The following JAK1 variants were observed in gnomAD, a reference collection of about 807,000 sequenced individuals.
JAK1 encodes the protein tyrosine-protein kinase JAK1.
A neutral mutation model predicts 136.6 loss-of-function variants in JAK1; 16 were observed. The ratio of observed to expected loss-of-function variants is 0.12; its 90% CI spans 0.08 to 0.18. The LOEUF (loss-of-function observed/expected upper bound fraction) is 0.18, where lower values mean the gene tolerates loss of function less well. Among genes scored for constraint, JAK1 ranks in the 10% least tolerant of loss-of-function variants. The pLI is 1.00. For missense variants in JAK1, 859 were observed against 1,450.1 expected (o/e 0.59, Z 6.62); for synonymous variants, 492 against 519.5 (o/e 0.95, Z 0.72).
chr1:64,890,320 A>G (rs1011295400), intron 1 of JAK1, among the ~76,000 whole-genome samples: 1 of 151,950 alleles, frequency 6.6e-6, no homozygotes, highest in African/African-American at 2.4e-5. Context: ...TATGTTCGGT[A>G]ACAGCTGTAA....
In JAK1 at chr1:64,838,042, A is replaced by C. The variant is rs768848705; in HGVS notation, c.3030T>G (p.Leu1010=). ...TTTTCACTTGGTGTTCACTCTCAAC[A>C]AGGACATTTCTTGCTGCCAAGTCCC... ...VHRDLAARNV[L]VESEHQVKIG... Residue 1010 remains leucine (L), a synonymous_variant, in exon 22 of 25, where the codon CTT becomes CTG. Coordinates refer to ENST00000342505, the MANE Select transcript of JAK1 (RefSeq NM_002227.4). 2.5e-6 allele frequency: 4 copies of C among 1,614,118 alleles called. No homozygotes were observed. Among genetic ancestry groups the C allele is most frequent in the Non-Finnish European group, 3.4e-6 (4 of 1,180,042 alleles).
At chr1:65,014,965 T>G (rs112950294) in intron 2 of JAK1, among the ~76,000 whole-genome samples, 2,358 of 152,050 alleles carry the variant, frequency 0.016, 46 homozygotes, top group African/African-American at 0.054. Flanking sequence ...GATTACAGGC[T>G]TGAGCCACCG....
chr1:65,038,915 G>A (rs1212395198), intron 2 of JAK1, among the ~76,000 whole-genome samples: 5 of 146,840 alleles, frequency 3.4e-5, no homozygotes, highest in African/African-American at 1.3e-4. Flanking sequence ...TGGGATTACA[G>A]GCGTGAGCCA....
intron 1 of JAK1, among the ~76,000 whole-genome samples, chr1:65,065,604 T>G (rs1489562306): frequency 6.6e-6 from 1 of 151,504 alleles, no homozygotes; most frequent in Admixed American, 6.6e-5. Flanking sequence ...CAGGAGACCC[T>G]TGGGTCCCTG....
intron 1 of JAK1, among the ~76,000 whole-genome samples, chr1:64,955,282 C>G (rs962698618): frequency 6.6e-6 from 1 of 152,074 alleles, no homozygotes; most frequent in South Asian, 2.1e-4. Context: ...GACCAGAACA[C>G]GACGTACTGG....
intron 1 of JAK1, among the ~76,000 whole-genome samples, chr1:64,955,283 G>A (rs974391200): frequency 6.6e-6 from 1 of 152,152 alleles, no homozygotes; most frequent in Non-Finnish European, 1.5e-5. Flanking sequence ...ACCAGAACAC[G>A]ACGTACTGGA....
At chr1:65,000,116 G>C (rs1210624728) in intron 2 of JAK1, among the ~76,000 whole-genome samples, 1 of 151,324 alleles carries the variant, frequency 6.6e-6, no homozygotes, top group South Asian at 2.1e-4. Context: ...TCAGCCTCCC[G>C]AGTAGCTGGG....
chr1:65,035,013 A>G (rs916715163), intron 2 of JAK1, among the ~76,000 whole-genome samples: 4 of 152,080 alleles, frequency 2.6e-5, no homozygotes, highest in Admixed American at 1.3e-4. Flanking sequence ...CTGAGATCGC[A>G]CCATTGCACT....
chr1:65,019,091 G>A (rs867130199), intron 2 of JAK1, among the ~76,000 whole-genome samples: 1 of 152,006 alleles, frequency 6.6e-6, no homozygotes, highest in Non-Finnish European at 1.5e-5. Context: ...AAGTTGAATC[G>A]TTTACAGAAA....
At chr1:64,849,996 C>T (rs1655484552) in intron 12 of JAK1, among the ~76,000 whole-genome samples, 1 of 152,160 alleles carries the variant, frequency 6.6e-6, no homozygotes, top group African/African-American at 2.4e-5. Context: ...GGTAAAGTAA[C>T]AAACCCCCGA....
chr1:64,896,820 G>A (rs1645021172), intron 1 of JAK1, among the ~76,000 whole-genome samples: 1 of 152,150 alleles, frequency 6.6e-6, no homozygotes, highest in Non-Finnish European at 1.5e-5. Flanking sequence ...AGGACGGCAG[G>A]GAAAACCAGC....
At chr1:64,943,610 TAAGTC>T (rs1645928654) in intron 1 of JAK1, among the ~76,000 whole-genome samples, 1 of 152,044 alleles carries the variant, frequency 6.6e-6, no homozygotes, top group African/African-American at 2.4e-5. Flanking sequence ...TACCAAATAT[TAAGTC>T]TAAGAGTTAA....
intron 1 of JAK1, among the ~76,000 whole-genome samples, chr1:64,926,278 C>G (rs1645580392): frequency 6.6e-6 from 1 of 152,110 alleles, no homozygotes; most frequent in African/African-American, 2.4e-5. Context: ...GATCTTTGCT[C>G]ACCTGATGGT....
chr1:64,852,513 C>T (rs563846661), intron 11 of JAK1, among the ~76,000 whole-genome samples: 30 of 152,298 alleles, frequency 2.0e-4, no homozygotes, highest in Admixed American at 1.7e-3. Flanking sequence ...TCAGAGGCAA[C>T]TCAGGCTCAA....
intron 2 of JAK1, among the ~76,000 whole-genome samples, chr1:65,035,834 C>T (rs1285232675): frequency 6.6e-6 from 1 of 152,012 alleles, no homozygotes; most frequent in Non-Finnish European, 1.5e-5. Flanking sequence ...TTTGGGAGGC[C>T]GAGGCGGGCG....
intron 8 of JAK1, among the ~76,000 whole-genome samples, chr1:64,863,704 G>T (rs571808450): frequency 6.6e-6 from 1 of 152,224 alleles, no homozygotes; most frequent in South Asian, 2.1e-4. Flanking sequence ...TTTATATCCT[G>T]CTTTTTCCCC....
chr1:65,001,197 T>G (rs531253483), intron 2 of JAK1, among the ~76,000 whole-genome samples: 1 of 152,256 alleles, frequency 6.6e-6, no homozygotes, highest in Non-Finnish European at 1.5e-5. Context: ...CATTCGCCGA[T>G]TTCACTTTTC....
chr1:65,044,376 C>T (rs891733899), intron 2 of JAK1, among the ~76,000 whole-genome samples: 1 of 152,114 alleles, frequency 6.6e-6, no homozygotes, highest in Non-Finnish European at 1.5e-5. Context: ...AAATCCTTGG[C>T]TTTCAGGACA....
At chr1:65,011,928 G>T (rs558750299) in intron 2 of JAK1, among the ~76,000 whole-genome samples, 3 of 152,200 alleles carry the variant, frequency 2.0e-5, no homozygotes, top group Non-Finnish European at 4.4e-5. Flanking sequence ...GAAGGAAATC[G>T]CTAGTTAAGG....
Sources: gnomAD v4.1 joint callset for allele counts (sites outside exome capture counted in the v4.1 genomes callset) on GRCh38, gnomAD v4.1.1 for gene constraint, MANE v1.5 for transcripts, NCBI Gene and HGNC (gene_info 2026-07-23, HGNC 2026-07-21) for gene names.